The following NME7 variants were observed in gnomAD, a reference collection of about 807,000 sequenced individuals.
NME7 encodes nucleoside diphosphate kinase 7.
In NME7, 41 loss-of-function variants were observed where a neutral mutation model predicts 49.1. The observed-to-expected ratio is 0.83, with a 90% confidence interval of 0.65 to 1.08. The LOEUF (loss-of-function observed/expected upper bound fraction) is 1.08, where lower values mean the gene tolerates loss of function less well. Ranked by LOEUF, NME7 falls within the 50% of genes least tolerant of loss-of-function variation. NME7 has a pLI of 0.00. For missense variants in NME7, 423 were observed against 463.4 expected, an observed-to-expected ratio of 0.91 and a Z score of 0.80; for synonymous variants, 139 against 150.6, an observed-to-expected ratio of 0.92 and a Z score of 0.56.
intron 11 of NME7, among the ~76,000 whole-genome samples, chr1:169,148,186 A>G (rs1658813881): frequency 6.6e-6 from 1 of 152,086 alleles, no homozygotes; most frequent in South Asian, 2.1e-4. Flanking sequence ...TATTTTTTGT[A>G]GAGCCAAGAT....
intron 10 of NME7, among the ~76,000 whole-genome samples, chr1:169,193,676 A>G (rs964916849): frequency 2.0e-5 from 3 of 152,202 alleles, no homozygotes; most frequent in African/African-American, 7.2e-5. Flanking sequence ...TTGAAATGCT[A>G]GCAGCTCCAG....
At chr1:169,208,135 A>G (rs934983484) in intron 10 of NME7, among the ~76,000 whole-genome samples, 1 of 152,100 alleles carries the variant, frequency 6.6e-6, no homozygotes, top group African/African-American at 2.4e-5. Context: ...TTAAACCAGT[A>G]TTTCTCAATC....
intron 5 of NME7, among the ~76,000 whole-genome samples, chr1:169,299,574 G>C (rs3766089): frequency 0.1 from 15,641 of 152,056 alleles, 852 homozygotes; most frequent in Admixed American, 0.12. Flanking sequence ...ATCCAAAGTA[G>C]AGAGAAGAGA....
chr1:169,278,374 CTTTG>C (rs1450599161), intron 7 of NME7, among the ~76,000 whole-genome samples: 3 of 152,128 alleles, frequency 2.0e-5, no homozygotes, highest in East Asian at 1.9e-4. Context: ...TTCTTGGAGG[CTTTG>C]TTTGTTTCTT....
chr1:169,302,775 A>G (rs868612965), intron 5 of NME7, among the ~76,000 whole-genome samples: 1 of 152,168 alleles, frequency 6.6e-6, no homozygotes, highest in Non-Finnish European at 1.5e-5. Flanking sequence ...AAAAGTTGAC[A>G]TAAAAAATAA....
At chr1:169,286,868 C>G (rs1211524967) in intron 7 of NME7, 1 of 153,254 alleles carries the variant, frequency 6.5e-6, no homozygotes, top group African/African-American at 2.4e-5. Flanking sequence ...TGCCTGTAGT[C>G]CCAGCTACTC....
intron 7 of NME7, chr1:169,285,611 A>T (rs1650250204): frequency 6.6e-6 from 1 of 152,182 alleles, no homozygotes; most frequent in South Asian, 2.1e-4. Flanking sequence ...AAATTAGGAG[A>T]AACAACTTAA....
chr1:169,196,520 A>C (rs1160346189), intron 10 of NME7, among the ~76,000 whole-genome samples: 1 of 152,232 alleles, frequency 6.6e-6, no homozygotes, highest in African/African-American at 2.4e-5. Context: ...CATAAAAAGC[A>C]CTTGATACAT....
Position 169,283,018 on chromosome 1 carries a change from G to A in NME7, c.754+4285C>T, listed in dbSNP as rs370931899. 1.5e-3 allele frequency among the ~76,000 whole-genome samples: 225 copies of A among 152,112 alleles called. 2 individuals are homozygous for A. Among genetic ancestry groups the A allele is most frequent in the South Asian group, 2.9e-3 (14 of 4,816 alleles). Reference sequence around the variant, plus strand: ...AATATCCTTGTTATTTTTCTATCTCGTTGATCTGTCTAATATTGACACTGG... The same window carrying A: ...AATATCCTTGTTATTTTTCTATCTCATTGATCTGTCTAATATTGACACTGG... On this transcript the variant is annotated intron_variant, in intron 7 of 11. Transcript: ENST00000367811.
At chr1:169,238,657 A>G (rs1188704668) in intron 7 of NME7, among the ~76,000 whole-genome samples, 2 of 151,994 alleles carry the variant, frequency 1.3e-5, no homozygotes, top group Non-Finnish European at 2.9e-5. Context: ...GGTGAGAAAA[A>G]GCCAGAGGTG....
At chr1:169,320,417 A>G (rs933135414) in intron 3 of NME7, among the ~76,000 whole-genome samples, 1 of 152,184 alleles carries the variant, frequency 6.6e-6, no homozygotes, top group African/African-American at 2.4e-5. Context: ...ATGGGGATCA[A>G]TTTCACTCAT....
At chr1:169,251,363 A>C (rs1054916549) in intron 7 of NME7, among the ~76,000 whole-genome samples, 3 of 151,922 alleles carry the variant, frequency 2.0e-5, no homozygotes, top group Non-Finnish European at 2.9e-5. Context: ...AGTTTATATG[A>C]ATCTTTATGT....
chr1:169,244,716 T>C (rs1391080252), intron 7 of NME7, among the ~76,000 whole-genome samples: 1 of 152,014 alleles, frequency 6.6e-6, no homozygotes, highest in Non-Finnish European at 1.5e-5. Flanking sequence ...TTGGTTTTCA[T>C]AGTTAATAAT....
chr1:169,312,799 TTAGA>T (rs1258173697), intron 3 of NME7, among the ~76,000 whole-genome samples: 1 of 152,190 alleles, frequency 6.6e-6, no homozygotes, highest in Non-Finnish European at 1.5e-5. Context: ...ATTAAACATC[TTAGA>T]TAGTGCAGTG....
chr1:169,157,884 T>A (rs1472563782), intron 11 of NME7, among the ~76,000 whole-genome samples: 1 of 152,242 alleles, frequency 6.6e-6, no homozygotes, highest in Non-Finnish European at 1.5e-5. Context: ...TCTGTTCATG[T>A]CCTTTTTGAT....
chr1:169,273,960 C>T lies in NME7; in HGVS notation c.754+13343G>A, dbSNP rs560980425. On this transcript the variant is annotated intron_variant, in intron 7 of 11. Transcript: ENST00000367811. ...TCTTTATAGCAGCATGATTTATAGT[C>T]CTTTAGGTATATATTATACCAGTAA... is the stretch of plus-strand genomic sequence containing the variant. Among the ~76,000 whole-genome samples, 4 of 132,222 alleles carry T rather than the reference C, an allele frequency of 3.0e-5. No individual in the cohort carries two copies. In the East Asian group the frequency reaches 6.0e-4, roughly 20 times the overall value. The allele number at this position is 132,222 out of a possible 152,430, so 86.7% of individuals were successfully genotyped here.
intron 10 of NME7, among the ~76,000 whole-genome samples, chr1:169,175,136 T>A (rs983026202): frequency 6.6e-6 from 1 of 152,122 alleles, no homozygotes; most frequent in African/African-American, 2.4e-5. Flanking sequence ...TTTTTTTTCT[T>A]TTGAAACCTT....
intron 10 of NME7, among the ~76,000 whole-genome samples, chr1:169,226,894 A>G (rs1381649420): frequency 7.2e-5 from 11 of 152,146 alleles, no homozygotes; most frequent in African/African-American, 2.4e-4. Context: ...ACTTATAGAC[A>G]ACTAAAATGA....
chr1:169,278,475 G>T (rs184915950), intron 7 of NME7, among the ~76,000 whole-genome samples: 1 of 151,896 alleles, frequency 6.6e-6, no homozygotes, highest in South Asian at 2.1e-4. Flanking sequence ...CCAGTTGATC[G>T]CATCGACTCC....
Sources: allele counts gnomAD v4.1 joint callset (sites outside exome capture counted in the v4.1 genomes callset), GRCh38; gene constraint gnomAD v4.1.1; transcripts MANE v1.5; gene names NCBI Gene and HGNC (gene_info 2026-07-23, HGNC 2026-07-21).